The following SIL1 variants were observed in gnomAD, a reference collection of about 807,000 sequenced individuals.
The protein encoded by SIL1 is nucleotide exchange factor SIL1.
SIL1 carries 40 observed loss-of-function variants against 49.1 expected under a neutral mutation model. The observed-to-expected ratio is 0.81, with a 90% CI of 0.63 to 1.06. SIL1 has a LOEUF of 1.06. SIL1 is among the 50% of genes least tolerant of loss of function. The probability of loss-of-function intolerance (pLI) is 0.00; values close to 1 mark genes in which losing one functional copy is unlikely to be tolerated. For synonymous variants in SIL1, 253 were observed against 250.8 expected (o/e 1.01, Z -0.08); for missense variants, 500 against 572.6 (o/e 0.87, Z 1.29).
At chr5:139,016,278 CA>C (rs1421934238) in intron 7 of SIL1, among the ~76,000 whole-genome samples, 1 of 151,974 alleles carries the variant, frequency 6.6e-6, no homozygotes, top group Admixed American at 6.6e-5. Context: ...ATGCCAAGAA[CA>C]GATAAAAAGA....
chr5:139,139,097 C>T (rs1751032041), intron 1 of SIL1, among the ~76,000 whole-genome samples: 1 of 152,216 alleles, frequency 6.6e-6, no homozygotes, highest in Non-Finnish European at 1.5e-5. Context: ...GTAGGAACAG[C>T]CGGGGCAAAT....
chr5:139,170,099 C>A (rs1342431126), intron 1 of SIL1, among the ~76,000 whole-genome samples: 8 of 152,248 alleles, frequency 5.3e-5, no homozygotes, highest in Admixed American at 5.2e-4. Flanking sequence ...CAGCTCCTAA[C>A]CGCGAGTGAT....
At chr5:139,085,961 C>T (rs900041776) in intron 3 of SIL1, among the ~76,000 whole-genome samples, 3 of 152,086 alleles carry the variant, frequency 2.0e-5, no homozygotes, top group African/African-American at 7.2e-5. Flanking sequence ...AGTGAAACAA[C>T]AGATGTAGAA....
intron 7 of SIL1, among the ~76,000 whole-genome samples, chr5:139,017,401 G>A (rs1048900753): frequency 3.9e-5 from 6 of 152,156 alleles, no homozygotes; most frequent in African/African-American, 1.4e-4. Flanking sequence ...ATGACTAATG[G>A]CACATGTACA....
rs1040979799 is a variant in SIL1, at chr5:138,948,234, G to A, written c.1030-761C>T. On this transcript the variant is annotated intron_variant, in intron 9 of 9. Transcript: ENST00000394817. This position sits in a 1 kb window ranked among gnomAD's most constrained non-coding sequence, Gnocchi z 4.8. ...GTGCTTCCTGCGGCAGCAGGAAGTC[G>A]TGGGGCTGATTGGGGCTGGCAGAGG... 1.3e-5 allele frequency among the ~76,000 whole-genome samples: 2 copies of A among 152,212 alleles called. No homozygotes were observed. Among genetic ancestry groups the A allele is most frequent in the African/African-American group, 2.4e-5 (1 of 41,456 alleles).
chr5:139,127,612 G>A, intron 2 of SIL1, 127 bp downstream of exon 2: 1 of 754,314 alleles, frequency 1.3e-6, no homozygotes, highest in Non-Finnish European at 2.3e-6. Context: ...ATGATCCACT[G>A]CCAGCCACAC....
intron 1 of SIL1, among the ~76,000 whole-genome samples, chr5:139,184,452 C>T (rs978898418): frequency 2.6e-5 from 4 of 152,036 alleles, no homozygotes; most frequent in Middle Eastern, 3.2e-3. Flanking sequence ...GTGGAAGGAT[C>T]GCTTGAGGCC....
chr5:139,004,927 G>A lies in SIL1; in HGVS notation c.767+16244C>T, dbSNP rs115865489. Among the ~76,000 whole-genome samples, 661 of 152,300 alleles carry A rather than the reference G, an allele frequency of 4.3e-3. 3 individuals carry two copies. Among genetic ancestry groups the A allele is most frequent in the Non-Finnish European group, 7.2e-3 (487 of 68,028 alleles). On this transcript the variant is annotated intron_variant, in intron 7 of 9. Coordinates refer to ENST00000394817, the MANE Select transcript of SIL1 (RefSeq NM_022464.5). ...AAATTTATCTCATAAAAGTAGAGTA[G>A]AATGGTACTTACCAAGGGCTGGGGT...
chr5:139,173,458 G>A (rs547297728), intron 1 of SIL1, among the ~76,000 whole-genome samples: 1 of 152,228 alleles, frequency 6.6e-6, no homozygotes, highest in African/African-American at 2.4e-5. Flanking sequence ...GCTGAGGCAA[G>A]AGAATTGCTT....
chr5:138,982,364 G>A (rs901212927), intron 7 of SIL1, among the ~76,000 whole-genome samples: 1 of 152,238 alleles, frequency 6.6e-6, no homozygotes, highest in African/African-American at 2.4e-5. Context: ...AAGGTGTGCA[G>A]GGTGGGCAGC....
At chr5:139,168,261 A>G (rs1182293543) in intron 1 of SIL1, among the ~76,000 whole-genome samples, 1 of 152,212 alleles carries the variant, frequency 6.6e-6, no homozygotes, top group African/African-American at 2.4e-5. Context: ...TGTTAAGTGA[A>G]GTATGGCTGT....
At chr5:139,016,037 T>A (rs1478214271) in intron 7 of SIL1, among the ~76,000 whole-genome samples, 1 of 152,060 alleles carries the variant, frequency 6.6e-6, no homozygotes, top group Non-Finnish European at 1.5e-5. Flanking sequence ...TAGTATGCTA[T>A]GATCACACCT....
chr5:139,047,196 G>A lies in SIL1; in HGVS notation c.353+3742C>T, dbSNP rs551662324. 7.9e-5 allele frequency among the ~76,000 whole-genome samples: 12 copies of A among 152,310 alleles called. No homozygotes were observed. The East Asian group carries it at 2.3e-3, about 29-fold the overall frequency. On this transcript the variant is annotated intron_variant, in intron 4 of 9. Coordinates refer to ENST00000394817, the MANE Select transcript of SIL1 (RefSeq NM_022464.5). ...CCTAGGAGGAAGAGTCCAAGAAGCT[G>A]GTTATTCCAGGGCAAAAAGAGAGAT...
chr5:139,124,734 C>T (rs1488063669), intron 2 of SIL1, among the ~76,000 whole-genome samples: 2 of 152,228 alleles, frequency 1.3e-5, no homozygotes. Flanking sequence ...ATAACAGCAG[C>T]TACCATTTAT....
At chr5:139,191,383 C>T (rs931410503) in intron 1 of SIL1, among the ~76,000 whole-genome samples, 1 of 152,098 alleles carries the variant, frequency 6.6e-6, no homozygotes, top group African/African-American at 2.4e-5. Context: ...TTCCACTGGG[C>T]TGAAGCCTGC....
intron 7 of SIL1, among the ~76,000 whole-genome samples, chr5:138,984,743 T>C (rs988820467): frequency 8.5e-5 from 13 of 152,140 alleles, no homozygotes; most frequent in African/African-American, 2.9e-4. Context: ...CATCCCCTTA[T>C]ACCCAGACAA....
chr5:138,950,026 G>A (rs1296992665), intron 9 of SIL1, among the ~76,000 whole-genome samples: 3 of 152,122 alleles, frequency 2.0e-5, no homozygotes, highest in African/African-American at 4.8e-5. Context: ...AGCTTCCAGA[G>A]GCAGGCTCCC....
At chr5:139,197,589 C>CT (rs1752302149) in intron 1 of SIL1, among the ~76,000 whole-genome samples, 1 of 152,184 alleles carries the variant, frequency 6.6e-6, no homozygotes, top group Non-Finnish European at 1.5e-5. Flanking sequence ...TTTCCTGATT[C>CT]CTGGCTTTTC....
intron 3 of SIL1, among the ~76,000 whole-genome samples, chr5:139,059,357 C>T (rs1048374184): frequency 1.3e-5 from 2 of 152,186 alleles, no homozygotes; most frequent in East Asian, 1.9e-4. Context: ...ACTCATTCAC[C>T]TTCCACCATG....
Sources: gnomAD v4.1 joint callset for allele counts (sites outside exome capture counted in the v4.1 genomes callset) on GRCh38, gnomAD v4.1.1 for gene constraint, Gnocchi (gnomAD v3.1) non-coding constraint, MANE v1.5 for transcripts, NCBI Gene and HGNC (gene_info 2026-07-23, HGNC 2026-07-21) for gene names.